The following C10orf105 variants were observed in gnomAD, a reference collection of about 807,000 sequenced individuals.
C10orf105 encodes the protein chromosome 10 open reading frame 105, also known as uncharacterized protein C10orf105.
In C10orf105, 2 loss-of-function variants were observed where a neutral mutation model predicts 0.6. The ratio of observed to expected loss-of-function variants is 3.18; its 90% confidence interval spans 1.30 to 10.01. The LOEUF (loss-of-function observed/expected upper bound fraction) is 10.01, where lower values mean the gene tolerates loss of function less well. Among genes scored for constraint, C10orf105 ranks in the 30% most tolerant of loss-of-function variants. The probability of loss-of-function intolerance (pLI) is 0.04; values close to 1 mark genes in which losing one functional copy is unlikely to be tolerated. For missense variants in C10orf105, 209 were observed against 191.4 expected, an observed-to-expected ratio of 1.09 and a Z score of -0.54; for synonymous variants, 95 against 82.4, an observed-to-expected ratio of 1.15 and a Z score of -0.83.
chr10:71,716,649 A>C, intron 1 of C10orf105: 1 of 287,616 alleles, frequency 3.5e-6, no homozygotes. Flanking sequence ...CTCATGAATC[A>C]TCACAGGGTC....
At chr10:71,736,660 C>T (rs1271652318) in intron 1 of C10orf105, among the ~76,000 whole-genome samples, 2 of 152,216 alleles carry the variant, frequency 1.3e-5, no homozygotes, top group Admixed American at 1.3e-4. Flanking sequence ...AGCAGCCCCC[C>T]TCACCCCTGC....
At chr10:71,727,814 G>T (rs1464315649) in intron 1 of C10orf105, among the ~76,000 whole-genome samples, 2 of 152,194 alleles carry the variant, frequency 1.3e-5, no homozygotes, top group African/African-American at 4.8e-5. Flanking sequence ...AGCAGGTCTG[G>T]TTCTCCAGGA....
Position 71,712,807 on chromosome 10 carries a change from C to T in C10orf105, c.*3129G>A. ...AGGACATCCCTGAAGGCCACAGCAT[C>T]TTGCAGGCAGGTGGCCCGTGGCCTC... On this transcript the variant is annotated 3_prime_UTR_variant, in exon 2 of 2. Coordinates refer to ENST00000441508, the MANE Select transcript of C10orf105 (RefSeq NM_001164375.3). 6.2e-7 allele frequency: 1 copy of T among 1,611,902 alleles called. No individual in the cohort carries two copies. Among genetic ancestry groups the T allele is most frequent in the African/African-American group, 1.3e-5 (1 of 75,060 alleles).
chr10:71,733,683 A>T (rs2132829608), intron 1 of C10orf105, among the ~76,000 whole-genome samples: 1 of 152,342 alleles, frequency 6.6e-6, no homozygotes, highest in Non-Finnish European at 1.5e-5. Flanking sequence ...CTCAGACATA[A>T]ATGCTGGGCT....
At chr10:71,730,713 T>A (rs1839347403) in intron 1 of C10orf105, 2 of 1,495,872 alleles carry the variant, frequency 1.3e-6, no homozygotes, top group Non-Finnish European at 1.8e-6. Flanking sequence ...GGCTCCCCAT[T>A]TAGCCATGTC....
rs1455924586 is a variant in C10orf105, at chr10:71,712,223, AC to A, written c.*3712del. On this transcript the variant is annotated 3_prime_UTR_variant, in exon 2 of 2. Coordinates refer to ENST00000441508, the MANE Select transcript of C10orf105 (RefSeq NM_001164375.3). ...ACACTTGCCATTGGGTTTATGGGCC[AC>A]CCAGCTCACCCAGGATGATCACTTC... 2.5e-5 allele frequency: 4 copies of A among 160,024 alleles called. No homozygotes were observed. The highest frequency in any genetic ancestry group is 7.2e-5 in the African/African-American group (3 of 41,576). 9.9% of individuals were successfully genotyped at this position (160,024 alleles called of 1,614,324 possible). A position where few individuals can be genotyped will look rare whatever the true frequency, so the allele number is the denominator to read the frequency against.
rs1322819761 is a variant in C10orf105, at chr10:71,713,558, G to C, written c.*2378C>G. 4.2e-6 allele frequency: 2 copies of C among 473,980 alleles called. No homozygotes were observed. Among genetic ancestry groups the C allele is most frequent in the African/African-American group, 2.0e-5 (1 of 50,844 alleles). The allele number at this position is 473,980 out of a possible 1,614,324, so 29.4% of individuals were successfully genotyped here. On this transcript the variant is annotated 3_prime_UTR_variant, in exon 2 of 2. Transcript: ENST00000441508. Reference sequence around the variant, plus strand: ...GGGACCAGGAGGCGGGCAGGAAAGGGCTGGGGAGCAGGGAGCTGACTCCCA... The same window carrying C: ...GGGACCAGGAGGCGGGCAGGAAAGGCCTGGGGAGCAGGGAGCTGACTCCCA...
At chr10:71,736,416 GC>G (rs1278042801) in intron 1 of C10orf105, among the ~76,000 whole-genome samples, 2 of 152,222 alleles carry the variant, frequency 1.3e-5, no homozygotes, top group Non-Finnish European at 2.9e-5. Context: ...GTCCCCAGCA[GC>G]CCTGGCCGGC....
chr10:71,734,565 G>A (rs77901168), intron 1 of C10orf105: 8 of 1,606,146 alleles, frequency 5.0e-6, no homozygotes, highest in Middle Eastern at 1.7e-4. Flanking sequence ...AGACACTGCC[G>A]GGAGTGGGGT....
chr10:71,728,679 A>T (rs182477628), intron 1 of C10orf105, among the ~76,000 whole-genome samples: 142 of 152,186 alleles, frequency 9.3e-4, no homozygotes, highest in African/African-American at 3.0e-3. Flanking sequence ...TTCCCTCTCT[A>T]CTTTGCTGGC....
chr10:71,732,427 G>A (rs1031760619), intron 1 of C10orf105: 17 of 1,548,954 alleles, frequency 1.1e-5, no homozygotes, highest in Non-Finnish European at 1.5e-5. Flanking sequence ...ACCAACATTG[G>A]TTGAGCTCCT....
In C10orf105 at chr10:71,716,486, C is replaced by A. The variant is rs953123062; in HGVS notation, c.-5-144G>T. On this transcript the variant is annotated intron_variant, in intron 1 of 1. Transcript: ENST00000441508. ...ATCATGGCCACATCACAGGTTAAGA[C>A]AGCAAGGTCCAGAGACATCACAAGT... 1.4e-5 allele frequency: 9 copies of A among 635,544 alleles called. No individual in the cohort carries two copies. In the Admixed American group the frequency reaches 2.7e-4, roughly 19 times the overall value. The allele number at this position is 635,544 out of a possible 1,614,324, so 39.4% of individuals were successfully genotyped here.
At position 71,713,336 on chromosome 10, in the gene C10orf105, A is replaced by C; in HGVS notation, c.*2600T>G. The C allele has an allele frequency of 1.3e-6, 1 of 775,240 alleles. No individual in the cohort carries two copies. Among genetic ancestry groups the C allele is most frequent in the Non-Finnish European group, 2.4e-6 (1 of 416,220 alleles). The allele number at this position is 775,240 out of a possible 1,614,324, so 48.0% of individuals were successfully genotyped here. A position where few individuals can be genotyped will look rare whatever the true frequency, so the allele number is the denominator to read the frequency against. Reference sequence around the variant, plus strand: ...GACCCTGAAAACAATTTGGGTGTGCACCCACACCTCTGCCCAGAGGCCTCA... The same window carrying C: ...GACCCTGAAAACAATTTGGGTGTGCCCCCACACCTCTGCCCAGAGGCCTCA... On this transcript the variant is annotated 3_prime_UTR_variant, in exon 2 of 2. Transcript: ENST00000441508.
Position 71,713,455 on chromosome 10 carries a change from G to A in C10orf105, c.*2481C>T. ...AGGCTGAGCCAAACAGGGAATCTGG[G>A]CCTGCCCACTGGGGCAGGCTCCCGG... On this transcript the variant is annotated 3_prime_UTR_variant, in exon 2 of 2. Coordinates refer to ENST00000441508, the MANE Select transcript of C10orf105 (RefSeq NM_001164375.3). The A allele has an allele frequency of 3.4e-6, 2 of 591,276 alleles. No individual in the cohort carries two copies. The highest frequency in any genetic ancestry group is 3.0e-5 in the Admixed American group (1 of 33,542). The allele number at this position is 591,276 out of a possible 1,614,324, so 36.6% of individuals were successfully genotyped here.
intron 1 of C10orf105, among the ~76,000 whole-genome samples, chr10:71,728,816 G>C (rs756326658): frequency 6.6e-6 from 1 of 152,100 alleles, no homozygotes; most frequent in Non-Finnish European, 1.5e-5. Flanking sequence ...CAATCCTCCC[G>C]CCTCAGCCTC....
intron 1 of C10orf105, among the ~76,000 whole-genome samples, chr10:71,731,172 C>G (rs1378821036): frequency 2.0e-5 from 3 of 152,192 alleles, no homozygotes; most frequent in African/African-American, 7.2e-5. Flanking sequence ...CTCTGTGGCC[C>G]TCCGTGCGGC....
upstream of C10orf105, among the ~76,000 whole-genome samples, chr10:71,723,235 G>T (rs1005897919): frequency 3.9e-5 from 6 of 152,186 alleles, no homozygotes; most frequent in Non-Finnish European, 8.8e-5. Flanking sequence ...ACTGCCCTGG[G>T]GGGTGTTTGT....
chr10:71,732,111 G>A (rs1472068649), intron 1 of C10orf105: 1 of 1,614,022 alleles, frequency 6.2e-7, no homozygotes, highest in Non-Finnish European at 8.5e-7. Flanking sequence ...CCAGCTACAT[G>A]ATGAATGTGT....
chr10:71,734,739 TC>T, intron 1 of C10orf105: 1 of 879,656 alleles, frequency 1.1e-6, no homozygotes, highest in Non-Finnish European at 1.7e-6. Context: ...CCCTGGACCT[TC>T]CCACCTCTCC....
Sources: allele counts gnomAD v4.1 joint callset (sites outside exome capture counted in the v4.1 genomes callset), GRCh38; gene constraint gnomAD v4.1.1; transcripts MANE v1.5; gene names NCBI Gene and HGNC (gene_info 2026-07-23, HGNC 2026-07-21).